SPRYD4: variants seen among roughly 807,000 people sequenced by gnomAD.
The protein encoded by SPRYD4 is SPRY domain containing 4.
A neutral mutation model predicts 16.6 loss-of-function variants in SPRYD4; 12 were observed. The ratio of observed to expected loss-of-function variants is 0.72; its 90% CI spans 0.46 to 1.17. The LOEUF is 1.17. SPRYD4 is among the 50% of genes most tolerant of loss of function. SPRYD4 has a pLI of 0.00. For missense variants in SPRYD4, 260 were observed against 260.2 expected (o/e 1.00, Z 0.00); for synonymous variants, 98 against 105.4 (o/e 0.93, Z 0.43).
rs1414281246 is a variant in SPRYD4, at chr12:56,473,140, T to C, written c.*3563T>C. On this transcript the variant is annotated 3_prime_UTR_variant, in exon 2 of 2. Transcript: ENST00000338146. Reference sequence around the variant, plus strand: ...TCCTGACCTTGTGATCCGCCCGCCTTGGCCTCTCAAAGTGCAGGGATTACA... The same window carrying C: ...TCCTGACCTTGTGATCCGCCCGCCTCGGCCTCTCAAAGTGCAGGGATTACA... 1.7e-6 allele frequency: 2 copies of C among 1,200,268 alleles called. No individual in the cohort carries two copies. Among genetic ancestry groups the C allele is most frequent in the Non-Finnish European group, 2.4e-6 (2 of 817,560 alleles). 74.4% of individuals were successfully genotyped at this position (1,200,268 alleles called of 1,614,324 possible). A position where few individuals can be genotyped will look rare whatever the true frequency, so the allele number is the denominator to read the frequency against.
In SPRYD4 at chr12:56,475,500, G is replaced by A. The variant is rs1025486997; in HGVS notation, c.*5923G>A. 4.0e-5 allele frequency: 40 copies of A among 988,646 alleles called. No homozygotes were observed. Among genetic ancestry groups the A allele is most frequent in the Non-Finnish European group, 5.9e-5 (39 of 656,540 alleles). The allele number at this position is 988,646 out of a possible 1,614,324, so 61.2% of individuals were successfully genotyped here. ...TGAAGGGACTCAGAGGAAGCTGGAGGGCCAAAGTTCCCCTGGGATTTCTTC... is the reference window on the plus strand; with the variant it reads ...TGAAGGGACTCAGAGGAAGCTGGAGAGCCAAAGTTCCCCTGGGATTTCTTC... On this transcript the variant is annotated 3_prime_UTR_variant, in exon 2 of 2. Transcript: ENST00000338146.
chr12:56,477,827 C>A lies in SPRYD4; in HGVS notation c.*8250C>A. ...AAGACTGCTAGGGAGAAAGGCATGACAGGGCTAATCAGGAAGGGCAGAGAA... is the reference window on the plus strand; with the variant it reads ...AAGACTGCTAGGGAGAAAGGCATGAAAGGGCTAATCAGGAAGGGCAGAGAA... On this transcript the variant is annotated 3_prime_UTR_variant, in exon 2 of 2. Coordinates refer to ENST00000338146, the MANE Select transcript of SPRYD4 (RefSeq NM_207344.4). 3.3e-6 allele frequency: 5 copies of A among 1,536,218 alleles called. No homozygotes were observed. In the East Asian group the frequency reaches 9.0e-5, roughly 28 times the overall value.
chr12:56,474,616 T>TTCAGCAC lies in SPRYD4; in HGVS notation c.*5047_*5053dup. 6.2e-7 allele frequency: 1 copy of TTCAGCAC among 1,614,212 alleles called. No homozygotes were observed. Among genetic ancestry groups the TTCAGCAC allele is most frequent in the Non-Finnish European group, 8.5e-7 (1 of 1,180,042 alleles). ...TGAGGCTGAGGGTGTTGCGCACTGC[T>TTCAGCAC]TCAGCACTCAGCACACTCTCGCCTG... is the stretch of plus-strand genomic sequence containing the variant. On this transcript the variant is annotated 3_prime_UTR_variant, in exon 2 of 2. Coordinates refer to ENST00000338146, the MANE Select transcript of SPRYD4 (RefSeq NM_207344.4).
rs1198949133 is a variant in SPRYD4 at position 56,469,451 on chromosome 12, T to C, written c.498T>C (p.Asp166=). The C allele has an allele frequency of 6.2e-7, 1 of 1,613,928 alleles. No homozygotes were observed. Among genetic ancestry groups the C allele is most frequent in the African/African-American group, 1.3e-5 (1 of 74,876 alleles). Reference sequence around the variant, plus strand: ...AGGCCCAGAAGCTGAGCCTGGTGGATGTGAGCCAGGTCTCTGTGGTTCACA... The same window carrying C: ...AGGCCCAGAAGCTGAGCCTGGTGGACGTGAGCCAGGTCTCTGTGGTTCACA... ...EYEAQKLSLV[D]VSQVSVVHTL... Residue 166 remains aspartate (D), a synonymous_variant, in exon 2 of 2, where the codon GAT becomes GAC. Transcript: ENST00000338146.
chr12:56,468,674 G>T lies in SPRYD4; in HGVS notation c.83G>T (p.Arg28Ile). 1.2e-6 allele frequency: 2 copies of T among 1,613,704 alleles called. No homozygotes were observed. Among genetic ancestry groups the T allele is most frequent in the Non-Finnish European group, 1.7e-6 (2 of 1,179,562 alleles). The change falls in exon 1 of 2, where the codon AGA becomes ATA. Residue 28 changes from arginine to isoleucine, a missense_variant and splice_region_variant. Arg to Ile is a moderately conservative substitution (Grantham distance 97). Transcript: ENST00000338146. ...RLGVASTEAQ[R>I]GVSFKLEEKT... ...GGAGTTGCCTCCACAGAGGCCCAGAGAGGTAGGATTATCTCTTTTTACTCT... is the reference window on the plus strand; with the variant it reads ...GGAGTTGCCTCCACAGAGGCCCAGATAGGTAGGATTATCTCTTTTTACTCT...
rs1368258744 is a variant in SPRYD4, at chr12:56,472,669, A to G, written c.*3092A>G. ...TGACCAGGAGTATTTTATTGTGTAT[A>G]TTTGGTCACAGTAGCATTACCTTCG... On this transcript the variant is annotated 3_prime_UTR_variant, in exon 2 of 2. Coordinates refer to ENST00000338146, the MANE Select transcript of SPRYD4 (RefSeq NM_207344.4). 1.9e-6 allele frequency: 3 copies of G among 1,608,666 alleles called. No individual in the cohort carries two copies. The highest frequency in any genetic ancestry group is 2.6e-6 in the Non-Finnish European group (3 of 1,175,336).
chr12:56,475,509 TC>T lies in SPRYD4; in HGVS notation c.*5936del, dbSNP rs147746706. 9.1e-7 allele frequency: 1 copy of T among 1,098,828 alleles called. No homozygotes were observed. Among genetic ancestry groups the T allele is most frequent in the African/African-American group, 1.6e-5 (1 of 63,606 alleles). The allele number at this position is 1,098,828 out of a possible 1,614,324, so 68.1% of individuals were successfully genotyped here. On this transcript the variant is annotated 3_prime_UTR_variant, in exon 2 of 2. Transcript: ENST00000338146. ...TCAGAGGAAGCTGGAGGGCCAAAGT[TC>T]CCCTGGGATTTCTTCCTCCTAAGAT...
chr12:56,473,801 A>G lies in SPRYD4; in HGVS notation c.*4224A>G. On this transcript the variant is annotated 3_prime_UTR_variant, in exon 2 of 2. Coordinates refer to ENST00000338146, the MANE Select transcript of SPRYD4 (RefSeq NM_207344.4). ...ATTCAGCTAGAAAATATTTTTTGAA[A>G]TACTTACAGCATTCTGTGCTAGATG... 1 of 594,486 alleles carries G rather than the reference A, an allele frequency of 1.7e-6. No homozygotes were observed. The highest frequency in any genetic ancestry group is 2.8e-6 in the Non-Finnish European group (1 of 363,016). 36.8% of individuals were successfully genotyped at this position (594,486 alleles called of 1,614,324 possible). A position where few individuals can be genotyped will look rare whatever the true frequency, so the allele number is the denominator to read the frequency against.
rs994595599 is a variant in SPRYD4, at chr12:56,476,458, T to A, written c.*6881T>A. On this transcript the variant is annotated 3_prime_UTR_variant, in exon 2 of 2. Coordinates refer to ENST00000338146, the MANE Select transcript of SPRYD4 (RefSeq NM_207344.4). ...ATTCCTTACACCCCATGCTGGAGCTTTACTCCATCCCATTGGCCAGCATGA... is the reference window on the plus strand; with the variant it reads ...ATTCCTTACACCCCATGCTGGAGCTATACTCCATCCCATTGGCCAGCATGA... The A allele has an allele frequency of 1.7e-5, 3 of 173,970 alleles. No homozygotes were observed. Among genetic ancestry groups the A allele is most frequent in the African/African-American group, 7.2e-5 (3 of 41,662 alleles). 10.8% of individuals were successfully genotyped at this position (173,970 alleles called of 1,614,324 possible).
Position 56,474,808 on chromosome 12 carries a change from C to G in SPRYD4, c.*5231C>G, listed in dbSNP as rs377211150. ...GGGAAAGGGCAAGGGCAAGGACAGT[C>G]TGTCCTGTTCCCTCGGCCCTGAGCA... On this transcript the variant is annotated 3_prime_UTR_variant, in exon 2 of 2. Transcript: ENST00000338146. 6.2e-6 allele frequency: 10 copies of G among 1,613,404 alleles called. No homozygotes were observed. Among genetic ancestry groups the G allele is most frequent in the Non-Finnish European group, 8.5e-6 (10 of 1,179,732 alleles).
chr12:56,472,897 T>C lies in SPRYD4; in HGVS notation c.*3320T>C. 1 of 730,798 alleles carries C rather than the reference T, an allele frequency of 1.4e-6. No homozygotes were observed. The highest frequency in any genetic ancestry group is 2.8e-5 in the Admixed American group (1 of 36,216). The allele number at this position is 730,798 out of a possible 1,614,324, so 45.3% of individuals were successfully genotyped here. A position where few individuals can be genotyped will look rare whatever the true frequency, so the allele number is the denominator to read the frequency against. Reference sequence around the variant, plus strand: ...ACTCTGAAATATTCTTTTTTTTTTTTTTTTTTTTGAGACGGAGTCTCGCTC... The same window carrying C: ...ACTCTGAAATATTCTTTTTTTTTTTCTTTTTTTTGAGACGGAGTCTCGCTC... On this transcript the variant is annotated 3_prime_UTR_variant, in exon 2 of 2. Transcript: ENST00000338146.
Position 56,473,739 on chromosome 12 carries a change from T to C in SPRYD4, c.*4162T>C. On this transcript the variant is annotated 3_prime_UTR_variant, in exon 2 of 2. Coordinates refer to ENST00000338146, the MANE Select transcript of SPRYD4 (RefSeq NM_207344.4). Reference sequence around the variant, plus strand: ...CTTTTGGCTTGTTAATTAGCTTCTTTTATTACTCCTGTCCTTTCCTTCCCT... The same window carrying C: ...CTTTTGGCTTGTTAATTAGCTTCTTCTATTACTCCTGTCCTTTCCTTCCCT... The C allele has an allele frequency of 1.1e-6, 1 of 935,648 alleles. No homozygotes were observed. Among genetic ancestry groups the C allele is most frequent in the Non-Finnish European group, 1.5e-6 (1 of 654,372 alleles). 58.0% of individuals were successfully genotyped at this position (935,648 alleles called of 1,614,324 possible). A position where few individuals can be genotyped will look rare whatever the true frequency, so the allele number is the denominator to read the frequency against.
rs1052482288 is a variant in SPRYD4 at position 56,476,345 on chromosome 12, A to G, written c.*6768A>G. ...CTGGGCCATCCCACTTCCATTCTCA[A>G]TCCAAACCCTCATCCCTGACTCCCA... On this transcript the variant is annotated 3_prime_UTR_variant, in exon 2 of 2. Coordinates refer to ENST00000338146, the MANE Select transcript of SPRYD4 (RefSeq NM_207344.4). 1.5e-5 allele frequency: 4 copies of G among 266,724 alleles called. No individual in the cohort carries two copies. Among genetic ancestry groups the G allele is most frequent in the Admixed American group, 5.0e-5 (1 of 20,146 alleles). The allele number at this position is 266,724 out of a possible 1,614,324, so 16.5% of individuals were successfully genotyped here. A position where few individuals can be genotyped will look rare whatever the true frequency, so the allele number is the denominator to read the frequency against.
chr12:56,468,581 C>A lies in SPRYD4; in HGVS notation c.-11C>A. 6.2e-7 allele frequency: 1 copy of A among 1,612,630 alleles called. No homozygotes were observed. Among genetic ancestry groups the A allele is most frequent in the Non-Finnish European group, 8.5e-7 (1 of 1,179,768 alleles). ...AAGCGGGAGGCGTGCCCGGTTCATC[C>A]AAGGCGCAAGATGGCGCTGCTTTTT... On this transcript the variant is annotated 5_prime_UTR_variant, in exon 1 of 2. Coordinates refer to ENST00000338146, the MANE Select transcript of SPRYD4 (RefSeq NM_207344.4).
Position 56,475,829 on chromosome 12 carries a change from G to C in SPRYD4, c.*6252G>C. 1 of 1,410,990 alleles carries C rather than the reference G, an allele frequency of 7.1e-7. No individual in the cohort carries two copies. Among genetic ancestry groups the C allele is most frequent in the Non-Finnish European group, 1.0e-6 (1 of 998,786 alleles). The allele number at this position is 1,410,990 out of a possible 1,614,324, so 87.4% of individuals were successfully genotyped here. ...AGATTTCCACATTTCTGGAAATAAG[G>C]CTTCTAGTATGGGCTGGTGCACCTG... On this transcript the variant is annotated 3_prime_UTR_variant, in exon 2 of 2. Transcript: ENST00000338146.
At position 56,477,561 on chromosome 12, in the gene SPRYD4, G is replaced by T; in HGVS notation, c.*7984G>T. 1 of 1,240,086 alleles carries T rather than the reference G, an allele frequency of 8.1e-7. No homozygotes were observed. Among genetic ancestry groups the T allele is most frequent in the Non-Finnish European group, 1.1e-6 (1 of 874,596 alleles). 76.8% of individuals were successfully genotyped at this position (1,240,086 alleles called of 1,614,324 possible). On this transcript the variant is annotated 3_prime_UTR_variant, in exon 2 of 2. Coordinates refer to ENST00000338146, the MANE Select transcript of SPRYD4 (RefSeq NM_207344.4). Reference sequence around the variant, plus strand: ...TCTGGGGACCCTCAAAGGAATCAGAGCCCCACCAGTCTCCCTGGAGAGCTG... The same window carrying T: ...TCTGGGGACCCTCAAAGGAATCAGATCCCCACCAGTCTCCCTGGAGAGCTG...
chr12:56,477,457 G>A lies in SPRYD4; in HGVS notation c.*7880G>A. ...TGGGGGCAGGGAACAGTACTGAGTGGGGATGACGGAGGTGGTGCAGTCTCT... is the reference window on the plus strand; with the variant it reads ...TGGGGGCAGGGAACAGTACTGAGTGAGGATGACGGAGGTGGTGCAGTCTCT... On this transcript the variant is annotated 3_prime_UTR_variant, in exon 2 of 2. Transcript: ENST00000338146. 1 of 527,204 alleles carries A rather than the reference G, an allele frequency of 1.9e-6. No homozygotes were observed. Among genetic ancestry groups the A allele is most frequent in the Admixed American group, 3.3e-5 (1 of 30,272 alleles). 32.7% of individuals were successfully genotyped at this position (527,204 alleles called of 1,614,324 possible).
rs1266214194 is a variant in SPRYD4 at position 56,474,786 on chromosome 12, A to C, written c.*5209A>C. On this transcript the variant is annotated 3_prime_UTR_variant, in exon 2 of 2. Coordinates refer to ENST00000338146, the MANE Select transcript of SPRYD4 (RefSeq NM_207344.4). ...GCACATGGGACCCTCGGGTGTAGGG[A>C]AAGGGCAAGGGCAAGGACAGTCTGT... The C allele has an allele frequency of 1.9e-6, 3 of 1,613,150 alleles. No individual in the cohort carries two copies. Among genetic ancestry groups the C allele is most frequent in the Admixed American group, 1.7e-5 (1 of 59,932 alleles).
chr12:56,468,597 G>C lies in SPRYD4; in HGVS notation c.6G>C (p.Ala2=). 6.2e-7 allele frequency: 1 copy of C among 1,613,306 alleles called. No homozygotes were observed. The highest frequency in any genetic ancestry group is 8.5e-7 in the Non-Finnish European group (1 of 1,179,944). ...CGGTTCATCCAAGGCGCAAGATGGCGCTGCTTTTTGCACGTTCTTTGCGCT... is the reference window on the plus strand; with the variant it reads ...CGGTTCATCCAAGGCGCAAGATGGCCCTGCTTTTTGCACGTTCTTTGCGCT... The part of the protein sequence containing the change: M[A]LLFARSLRLC... Residue 2 remains alanine, a synonymous_variant, in exon 1 of 2, where the codon GCG becomes GCC. Transcript: ENST00000338146.
Sources: allele counts gnomAD v4.1 joint callset, GRCh38; gene constraint gnomAD v4.1.1; transcripts MANE v1.5; gene names NCBI Gene and HGNC (gene_info 2026-07-23, HGNC 2026-07-21).